The following RUSC2 variants were observed in gnomAD, a reference collection of about 807,000 sequenced individuals.
The protein encoded by RUSC2 is RUN and SH3 domain containing 2.
In RUSC2, 34 loss-of-function variants were observed where a neutral mutation model predicts 122.2. That is an observed-to-expected ratio of 0.28 (90% CI 0.21 to 0.37). The LOEUF (loss-of-function observed/expected upper bound fraction) is 0.37. Ranked by LOEUF, RUSC2 falls within the 10% of genes least tolerant of loss-of-function variation. The pLI, the probability that RUSC2 is intolerant of heterozygous loss-of-function variation, is 1.00. For missense variants in RUSC2, 1,747 were observed against 1,952.4 expected, an observed-to-expected ratio of 0.89 and a Z score of 1.98; for synonymous variants, 784 against 790.0, an observed-to-expected ratio of 0.99 and a Z score of 0.13.
intron 1 of RUSC2, among the ~76,000 whole-genome samples, chr9:35,498,375 T>C (rs1028088894): frequency 2.0e-5 from 3 of 151,808 alleles, no homozygotes. Context: ...CCTGTCTCTA[T>C]TAAAAATACA....
intron 1 of RUSC2, among the ~76,000 whole-genome samples, chr9:35,532,980 T>G (rs1821450998): frequency 6.6e-6 from 1 of 151,774 alleles, no homozygotes; most frequent in Admixed American, 6.6e-5. Context: ...GTGTGGTGGC[T>G]CACGCCTGTA....
intron 1 of RUSC2, among the ~76,000 whole-genome samples, chr9:35,538,202 A>G (rs955305165): frequency 6.6e-6 from 1 of 152,134 alleles, no homozygotes; most frequent in Non-Finnish European, 1.5e-5. Flanking sequence ...GGCCAGTTCT[A>G]CTTCAGCCAC....
At chr9:35,556,517 T>G in intron 5 of RUSC2, 69 bp downstream of exon 5, 1 of 665,792 alleles carries the variant, frequency 1.5e-6, no homozygotes. Flanking sequence ...CCCTACTACC[T>G]AGCCAGTCTG....
intron 2 of RUSC2, 77 bp from the exon 3 acceptor site, chr9:35,554,983 C>T: frequency 1.3e-6 from 2 of 1,552,858 alleles, no homozygotes; most frequent in Non-Finnish European, 1.8e-6. Flanking sequence ...TCCCCTCTCC[C>T]ATCTCTGCTT....
intron 1 of RUSC2, among the ~76,000 whole-genome samples, chr9:35,502,875 T>C (rs1333813419): frequency 1.3e-5 from 2 of 152,182 alleles, no homozygotes; most frequent in Non-Finnish European, 2.9e-5. Flanking sequence ...TTTTTGTTTT[T>C]TTGAGACGGA....
At chr9:35,490,902 C>T (rs755573692) in intron 1 of RUSC2, among the ~76,000 whole-genome samples, 1 of 152,204 alleles carries the variant, frequency 6.6e-6, no homozygotes, top group Non-Finnish European at 1.5e-5. Context: ...CACTACTCAT[C>T]TTTGTATCCC....
At position 35,561,314 on chromosome 9, in the gene RUSC2, C is replaced by T. The variant is rs377260830; in HGVS notation, c.4483C>T (p.Leu1495=). The T allele has an allele frequency of 1.2e-6, 2 of 1,614,160 alleles. No individual in the cohort carries two copies. The highest frequency in any genetic ancestry group is 2.2e-5 in the South Asian group (2 of 91,082). ...CTGCAGCCGTGGCCCCGACTCTGGCCTGGTGCCCCTGGCCTACGTGACATT... is the reference window on the plus strand; with the variant it reads ...CTGCAGCCGTGGCCCCGACTCTGGCTTGGTGCCCCTGGCCTACGTGACATT... The part of the protein sequence containing the change: ...LRCSRGPDSG[L]VPLAYVTLTP... The change falls in exon 12 of 12, where the codon CTG becomes TTG. Residue 1495 remains leucine, a synonymous_variant. Transcript: ENST00000361226.
intron 1 of RUSC2, among the ~76,000 whole-genome samples, chr9:35,535,499 C>T (rs1821505537): frequency 6.6e-6 from 1 of 151,196 alleles, no homozygotes; most frequent in Non-Finnish European, 1.5e-5. Flanking sequence ...CAAGTCTACC[C>T]ACCACTTATT....
chr9:35,511,501 A>G lies in RUSC2; in HGVS notation c.-93+21329A>G, dbSNP rs1034005654. Among the ~76,000 whole-genome samples the G allele has an allele frequency of 2.0e-5, 3 of 152,204 alleles. No homozygotes were observed. In the East Asian group the frequency reaches 5.8e-4, roughly 29 times the overall value. On this transcript the variant is annotated intron_variant, in intron 1 of 11. Coordinates refer to ENST00000361226, the MANE Select transcript of RUSC2 (RefSeq NM_014806.5). ...CCCTAGATCCATTTCAGTACCCCAC[A>G]TCCCAAAAAGGAGGACTAGAACTAA...
intron 1 of RUSC2, among the ~76,000 whole-genome samples, chr9:35,519,239 CGCCA>C (rs1453145864): frequency 6.6e-6 from 1 of 152,220 alleles, no homozygotes; most frequent in Non-Finnish European, 1.5e-5. Flanking sequence ...TTGATACTGA[CGCCA>C]GAGCGTAAAA....
intron 1 of RUSC2, among the ~76,000 whole-genome samples, chr9:35,517,638 T>C (rs1821133254): frequency 6.6e-6 from 1 of 152,208 alleles, no homozygotes; most frequent in Non-Finnish European, 1.5e-5. Flanking sequence ...TAGGTAAGCA[T>C]ATTCCTATTT....
In RUSC2 at chr9:35,524,935, C is replaced by T. The variant is rs370073048; in HGVS notation, c.-92-21495C>T. On this transcript the variant is annotated intron_variant, in intron 1 of 11. Coordinates refer to ENST00000361226, the MANE Select transcript of RUSC2 (RefSeq NM_014806.5). Reference sequence around the variant, plus strand: ...GCAGTAAGCCAAGATCGCACCACTGCACTCCAGCCTGGGGGACAGAGCGAG... The same window carrying T: ...GCAGTAAGCCAAGATCGCACCACTGTACTCCAGCCTGGGGGACAGAGCGAG... 1.6e-3 allele frequency among the ~76,000 whole-genome samples: 237 copies of T among 151,148 alleles called. 3 individuals are homozygous for T. The highest frequency in any genetic ancestry group is 3.4e-3 in the Middle Eastern group (1 of 294).
chr9:35,543,984 T>G (rs1356259540), intron 1 of RUSC2, among the ~76,000 whole-genome samples: 4 of 152,242 alleles, frequency 2.6e-5, no homozygotes, highest in Non-Finnish European at 4.4e-5. Context: ...GTGCAGTTGC[T>G]GGGTCATGTG....
chr9:35,560,069 T>G lies in RUSC2; in HGVS notation c.3429T>G (p.Ser1143Arg). The change falls in exon 10 of 12, where the codon AGT becomes AGG. Residue 1143 changes from serine to arginine, a missense_variant. Ser to Arg is a moderately radical substitution (Grantham distance 110). Coordinates refer to ENST00000361226, the MANE Select transcript of RUSC2 (RefSeq NM_014806.5). ...QTHYQPWGFL[S>R]AAHTVCPGLF... ...ACTACCAGCCCTGGGGCTTCCTGAG[T>G]GCAGCTCATACCGTGTGTCCCGGCC... is the stretch of plus-strand genomic sequence containing the variant. 6.2e-7 allele frequency: 1 copy of G among 1,612,620 alleles called. No individual in the cohort carries two copies. Among genetic ancestry groups the G allele is most frequent in the African/African-American group, 1.3e-5 (1 of 75,036 alleles).
At chr9:35,542,690 A>C (rs1458137332) in intron 1 of RUSC2, among the ~76,000 whole-genome samples, 1 of 152,214 alleles carries the variant, frequency 6.6e-6, no homozygotes, top group Non-Finnish European at 1.5e-5. Context: ...GCAGTCTCCA[A>C]CCTCAGAACT....
At chr9:35,541,170 G>C (rs1031684374) in intron 1 of RUSC2, among the ~76,000 whole-genome samples, 5 of 151,974 alleles carry the variant, frequency 3.3e-5, no homozygotes, top group African/African-American at 4.8e-5. Context: ...CACTCTACCT[G>C]GTAGGCATAG....
intron 1 of RUSC2, among the ~76,000 whole-genome samples, chr9:35,513,456 T>C (rs577179800): frequency 4.5e-4 from 68 of 152,000 alleles, no homozygotes; most frequent in African/African-American, 1.6e-3. Flanking sequence ...TTGGCCAGAC[T>C]GGTCTTGAAC....
chr9:35,507,361 T>C (rs1277077575), intron 1 of RUSC2, among the ~76,000 whole-genome samples: 2 of 152,224 alleles, frequency 1.3e-5, no homozygotes, highest in Non-Finnish European at 2.9e-5. Flanking sequence ...AGTAGTCCTT[T>C]AACTTCAATA....
At chr9:35,556,668 C>CA (rs1020256054) in intron 5 of RUSC2, among the ~76,000 whole-genome samples, 23 of 151,526 alleles carry the variant, frequency 1.5e-4, no homozygotes, top group South Asian at 4.2e-4. Flanking sequence ...ACTAAAAACA[C>CA]AAAAAAAAAT....
Sources: allele counts gnomAD v4.1 joint callset (sites outside exome capture counted in the v4.1 genomes callset), GRCh38; gene constraint gnomAD v4.1.1; transcripts MANE v1.5; gene names NCBI Gene and HGNC (gene_info 2026-07-23, HGNC 2026-07-21).